SFMBT2: variants seen among roughly 807,000 people sequenced by gnomAD.
SFMBT2 encodes the protein scm-like with four MBT domains protein 2.
In SFMBT2, 38 loss-of-function variants were observed where a neutral mutation model predicts 110.1. That is an observed-to-expected ratio of 0.35 (90% confidence interval 0.27 to 0.45). The LOEUF (loss-of-function observed/expected upper bound fraction) is 0.45, where lower values mean the gene tolerates loss of function less well. Ranked by LOEUF, SFMBT2 falls within the 20% of genes least tolerant of loss-of-function variation. SFMBT2 has a pLI of 1.00. For synonymous variants in SFMBT2, 425 were observed against 425.4 expected (o/e 1.00, Z 0.01); for missense variants, 1,011 against 1,094.9 (o/e 0.92, Z 1.08).
At chr10:7,351,776 C>T (rs557508975) in intron 4 of SFMBT2, among the ~76,000 whole-genome samples, 70 of 152,102 alleles carry the variant, frequency 4.6e-4, no homozygotes, top group African/African-American at 1.4e-3. Flanking sequence ...ACACTGTACC[C>T]GTGTGGCTGT....
At chr10:7,238,546 A>G (rs1840332571) in intron 9 of SFMBT2, among the ~76,000 whole-genome samples, 1 of 152,196 alleles carries the variant, frequency 6.6e-6, no homozygotes, top group Admixed American at 6.5e-5. Flanking sequence ...TTAGGAAAAG[A>G]GAATACGACT....
chr10:7,319,824 G>A (rs1843121538), intron 4 of SFMBT2, among the ~76,000 whole-genome samples: 2 of 151,488 alleles, frequency 1.3e-5, no homozygotes, highest in Admixed American at 1.3e-4. Flanking sequence ...GAGAGACAGA[G>A]AGAGACAGAG....
chr10:7,176,151 G>A lies in SFMBT2; in HGVS notation c.1823C>T (p.Thr608Ile). ...ETLKAKYRGK[T>I]YRAVVKIVRT... ...TACGATTTTGACCACAGCCCTGTAT[G>A]TTTTGCCTCTGTATCTAGAAAATAG... Residue 608 changes from threonine (T) to isoleucine (I), a missense_variant, in exon 17 of 21, where the codon ACA becomes ATA. This residue lies in a region of SFMBT2 where 979 missense variants were observed against 1,016.1 expected (regional missense o/e 0.96). Transcript: ENST00000397167. 1 of 1,614,160 alleles carries A rather than the reference G, an allele frequency of 6.2e-7. No homozygotes were observed. The highest frequency in any genetic ancestry group is 8.5e-7 in the Non-Finnish European group (1 of 1,180,006).
At chr10:7,385,709 C>T (rs1183575298) in intron 1 of SFMBT2, among the ~76,000 whole-genome samples, 1 of 152,134 alleles carries the variant, frequency 6.6e-6, no homozygotes, top group Non-Finnish European at 1.5e-5. Flanking sequence ...GTACGAAAGC[C>T]CCTCTCCTGG....
chr10:7,318,713 G>A (rs753747777), intron 4 of SFMBT2, among the ~76,000 whole-genome samples: 2 of 152,236 alleles, frequency 1.3e-5, no homozygotes, highest in Non-Finnish European at 2.9e-5. Context: ...ATAAAGGTTC[G>A]CGTCTCCGCG....
intron 11 of SFMBT2, among the ~76,000 whole-genome samples, chr10:7,211,126 C>G (rs1839335834): frequency 6.6e-6 from 1 of 152,114 alleles, no homozygotes; most frequent in Non-Finnish European, 1.5e-5. Context: ...GGCAGTCCAG[C>G]TCCAGAGCCT....
chr10:7,177,247 T>G (rs1838093551), intron 16 of SFMBT2, among the ~76,000 whole-genome samples: 1 of 152,182 alleles, frequency 6.6e-6, no homozygotes. Context: ...GAATCAACAG[T>G]ACTTCATATG....
chr10:7,248,665 T>A lies in SFMBT2; in HGVS notation c.871-16A>T, dbSNP rs760868827. 6.2e-7 allele frequency: 1 copy of A among 1,610,722 alleles called. No homozygotes were observed. Among genetic ancestry groups the A allele is most frequent in the South Asian group, 1.1e-5 (1 of 90,894 alleles). On this transcript the variant is annotated splice_polypyrimidine_tract_variant and intron_variant, in intron 7 of 20. Coordinates refer to ENST00000397167, the MANE Select transcript of SFMBT2 (RefSeq NM_001387889.1). ...CTGCGTGATCCTGCAGGGAGAAAGA[T>A]GAAAATATTGAAAGCCACGGTATTG...
chr10:7,271,162 C>A (rs1199431969), intron 7 of SFMBT2, among the ~76,000 whole-genome samples: 1 of 151,850 alleles, frequency 6.6e-6, no homozygotes, highest in African/African-American at 2.4e-5. Context: ...GTGGTGCATG[C>A]CTGTAATCCC....
intron 4 of SFMBT2, among the ~76,000 whole-genome samples, chr10:7,287,957 G>A (rs1007209992): frequency 6.6e-6 from 1 of 152,102 alleles, no homozygotes; most frequent in Non-Finnish European, 1.5e-5. Context: ...AGGACTAAAG[G>A]ACAGACATAT....
In SFMBT2 at chr10:7,301,911, C is replaced by T. The variant is rs1055282138; in HGVS notation, c.437-15957G>A. Among the ~76,000 whole-genome samples, 1 of 152,056 alleles carries T rather than the reference C, an allele frequency of 6.6e-6. No homozygotes were observed. The highest frequency in any genetic ancestry group is 2.4e-5 in the African/African-American group (1 of 41,386). On this transcript the variant is annotated intron_variant, in intron 4 of 20. Coordinates refer to ENST00000397167, the MANE Select transcript of SFMBT2 (RefSeq NM_001387889.1). This position sits in a 1 kb window ranked among gnomAD's most constrained non-coding sequence, Gnocchi z 4.2. Reference sequence around the variant, plus strand: ...GGCTGGGAGACCTCAGGAGCTAATCCAGCATAGTTATGCAGACTAGAACCT... The same window carrying T: ...GGCTGGGAGACCTCAGGAGCTAATCTAGCATAGTTATGCAGACTAGAACCT...
At chr10:7,283,164 G>C (rs538468414) in intron 6 of SFMBT2, among the ~76,000 whole-genome samples, 1 of 152,190 alleles carries the variant, frequency 6.6e-6, no homozygotes, top group African/African-American at 2.4e-5. Flanking sequence ...TGTACCAGAT[G>C]TAAAATCACC....
intron 2 of SFMBT2, among the ~76,000 whole-genome samples, chr10:7,376,936 C>T (rs147921729): frequency 1.2e-3 from 182 of 149,576 alleles, no homozygotes; most frequent in African/African-American, 4.2e-3. Context: ...CTTGGGAGGC[C>T]GAGGCGGGCA....
intron 2 of SFMBT2, among the ~76,000 whole-genome samples, chr10:7,373,078 G>A (rs976486259): frequency 1.1e-4 from 17 of 152,360 alleles, no homozygotes; most frequent in African/African-American, 4.1e-4. Context: ...GCAGTGCTGG[G>A]AGCTGAGGTC....
intron 4 of SFMBT2, among the ~76,000 whole-genome samples, chr10:7,340,902 C>T (rs1588462755): frequency 6.6e-6 from 1 of 151,760 alleles, no homozygotes; most frequent in Non-Finnish European, 1.5e-5. Flanking sequence ...AAACTAAAGG[C>T]ATGTCTGGGG....
chr10:7,319,041 C>T (rs570454608), intron 4 of SFMBT2, among the ~76,000 whole-genome samples: 1 of 152,128 alleles, frequency 6.6e-6, no homozygotes, highest in Non-Finnish European at 1.5e-5. Context: ...CACGAGGGAT[C>T]GCAGAAGACA....
At chr10:7,296,689 T>C (rs1842416207) in intron 4 of SFMBT2, among the ~76,000 whole-genome samples, 2 of 152,248 alleles carry the variant, frequency 1.3e-5, no homozygotes, top group South Asian at 4.1e-4. Flanking sequence ...TCACCTTGCC[T>C]GGGCCACAGT....
intron 4 of SFMBT2, among the ~76,000 whole-genome samples, chr10:7,310,927 A>G (rs1842835769): frequency 1.3e-5 from 2 of 151,840 alleles, no homozygotes; most frequent in Non-Finnish European, 2.9e-5. Context: ...GACGCCTGTA[A>G]TCCCAGCTAC....
chr10:7,233,690 C>T (rs745636149), intron 9 of SFMBT2, among the ~76,000 whole-genome samples: 14 of 152,202 alleles, frequency 9.2e-5, no homozygotes, highest in African/African-American at 1.7e-4. Flanking sequence ...CAGAGCAGCA[C>T]TTCGGGGCAT....
Sources: gnomAD v4.1 joint callset for allele counts (sites outside exome capture counted in the v4.1 genomes callset) on GRCh38, gnomAD v4.1.1 for gene constraint, gnomAD v4.1.1 regional missense constraint, Gnocchi (gnomAD v3.1) non-coding constraint, MANE v1.5 for transcripts, NCBI Gene and HGNC (gene_info 2026-07-23, HGNC 2026-07-21) for gene names.